Variants in PPM1B observed in about 807,000 individuals in gnomAD.
PPM1B encodes the protein protein phosphatase, Mg2+/Mn2+ dependent 1B, also known as protein phosphatase 1B.
In PPM1B, 22 loss-of-function variants were observed where a neutral mutation model predicts 43.0. The observed-to-expected ratio is 0.51, with a 90% CI of 0.37 to 0.73. The LOEUF (loss-of-function observed/expected upper bound fraction) is 0.73, where lower values mean the gene tolerates loss of function less well. Among genes scored for constraint, PPM1B ranks in the 30% least tolerant of loss-of-function variants. PPM1B has a pLI of 0.00. For missense variants in PPM1B, 632 were observed against 584.2 expected (o/e 1.08, Z -0.84); for synonymous variants, 217 against 197.9 (o/e 1.10, Z -0.81).
At chr2:44,172,834 G>A (rs1014424630) in intron 1 of PPM1B, among the ~76,000 whole-genome samples, 2 of 152,186 alleles carry the variant, frequency 1.3e-5, no homozygotes, top group African/African-American at 4.8e-5. Context: ...TTGAGCCAGG[G>A]AGGTCAAAGC....
chr2:44,219,024 AT>A (rs767028835), intron 5 of PPM1B: 38 of 343,110 alleles, frequency 1.1e-4, no homozygotes, highest in Non-Finnish European at 2.0e-4. Context: ...TTATGGGTAC[AT>A]GAGTGTTGAG....
intron 1 of PPM1B, among the ~76,000 whole-genome samples, chr2:44,196,426 T>G (rs1188838806): frequency 6.6e-6 from 1 of 152,216 alleles, no homozygotes; most frequent in East Asian, 1.9e-4. Flanking sequence ...TCTCATTAGA[T>G]TATGCCAAGA....
At chr2:44,209,151 G>C (rs1232811983) in intron 2 of PPM1B, 59 bp from the exon 3 acceptor site, 1 of 1,373,520 alleles carries the variant, frequency 7.3e-7, no homozygotes, top group Non-Finnish European at 9.9e-7. Context: ...GTATTTTGAA[G>C]TAAATAATAG....
downstream of PPM1B, chr2:44,233,131 G>A (rs80101364): frequency 0.17 from 169,800 of 974,568 alleles, 15,575 homozygotes; most frequent in African/African-American, 0.31. Context: ...AATGTAAATT[G>A]TGATTTTTGT....
intron 1 of PPM1B, among the ~76,000 whole-genome samples, chr2:44,195,884 T>C (rs1322803243): frequency 6.6e-6 from 1 of 152,160 alleles, no homozygotes; most frequent in Admixed American, 6.5e-5. Context: ...CCTGACCGTG[T>C]TGAAATCCTC....
chr2:44,181,103 C>G (rs62136996), intron 1 of PPM1B, among the ~76,000 whole-genome samples: 84,640 of 151,882 alleles, frequency 0.56, 24,613 homozygotes, highest in Admixed American at 0.66. Flanking sequence ...TGTCACCATA[C>G]CTGGCTAATT....
Position 44,201,747 on chromosome 2 carries a change from C to T in PPM1B, c.548C>T (p.Ala183Val). 1.2e-6 allele frequency: 2 copies of T among 1,614,200 alleles called. No homozygotes were observed. The highest frequency in any genetic ancestry group is 1.3e-5 in the African/African-American group (1 of 75,050). ...NPREKERIQNAGGSVMIQRVN... is the reference protein window; with the variant it reads ...NPREKERIQNVGGSVMIQRVN... ...AGGGAAAAGGAGCGAATCCAAAATGCAGGAGGCAGCGTGATGATACAACGT... is the reference window on the plus strand; with the variant it reads ...AGGGAAAAGGAGCGAATCCAAAATGTAGGAGGCAGCGTGATGATACAACGT... Residue 183 changes from alanine to valine, a missense_variant, in exon 2 of 6, where the codon GCA becomes GTA. Physicochemically the swap from Ala to Val is moderately conservative, Grantham distance 64 (BLOSUM62 0). Around this residue, in one of 3 missense-constraint regions of PPM1B, gnomAD observed 40 missense variants for 80.8 expected, o/e 0.50. Transcript: ENST00000282412. This position sits in a 1 kb window ranked among gnomAD's most constrained non-coding sequence, Gnocchi z 5.4.
At chr2:44,182,753 T>C (rs941643249) in intron 1 of PPM1B, among the ~76,000 whole-genome samples, 1 of 152,192 alleles carries the variant, frequency 6.6e-6, no homozygotes, top group African/African-American at 2.4e-5. Context: ...TTTCATACTT[T>C]TTTTCTTTCT....
chr2:44,206,141 T>C (rs749393258), intron 2 of PPM1B, among the ~76,000 whole-genome samples: 1 of 152,368 alleles, frequency 6.6e-6, no homozygotes, highest in South Asian at 2.1e-4. Flanking sequence ...TGTTAACTGC[T>C]GTGCTGTTGT....
At chr2:44,208,699 G>A (rs996517877) in intron 2 of PPM1B, among the ~76,000 whole-genome samples, 1 of 152,196 alleles carries the variant, frequency 6.6e-6, no homozygotes, top group South Asian at 2.1e-4. Context: ...GGCAACAAGA[G>A]CGAAACTTTG....
intron 5 of PPM1B, among the ~76,000 whole-genome samples, chr2:44,226,705 T>A (rs1441472775): frequency 6.7e-6 from 1 of 148,408 alleles, no homozygotes; most frequent in Non-Finnish European, 1.5e-5. Flanking sequence ...TGTCCTGTAA[T>A]TTTTTTTTAA....
intron 5 of PPM1B, among the ~76,000 whole-genome samples, chr2:44,221,073 A>G (rs376645330): frequency 2.0e-5 from 3 of 152,216 alleles, no homozygotes; most frequent in Admixed American, 6.5e-5. Context: ...GATAGATTCA[A>G]AAAAATATCT....
chr2:44,170,191 A>G (rs760101822), intron 1 of PPM1B, among the ~76,000 whole-genome samples: 2 of 152,210 alleles, frequency 1.3e-5, no homozygotes, highest in Non-Finnish European at 2.9e-5. Flanking sequence ...AGTGCTTCTT[A>G]GGCGTTTGAT....
intron 3 of PPM1B, among the ~76,000 whole-genome samples, chr2:44,214,717 G>A (rs1250058826): frequency 6.6e-6 from 1 of 152,096 alleles, no homozygotes. Context: ...TATCAAGTGT[G>A]TGGGGGTTTT....
chr2:44,181,947 T>A (rs928835235), intron 1 of PPM1B, among the ~76,000 whole-genome samples: 2 of 151,996 alleles, frequency 1.3e-5, no homozygotes, highest in Non-Finnish European at 2.9e-5. Flanking sequence ...GAATAAAGAA[T>A]AAAGAAAAAA....
chr2:44,233,534 C>T, downstream of PPM1B: 1 of 984,662 alleles, frequency 1.0e-6, no homozygotes, highest in Non-Finnish European at 1.2e-6. Flanking sequence ...ATGAATGTAT[C>T]CATTTGTACA....
At chr2:44,242,727 T>G (rs1361022653) in intron 5 of PPM1B, among the ~76,000 whole-genome samples, 1 of 152,174 alleles carries the variant, frequency 6.6e-6, no homozygotes, top group African/African-American at 2.4e-5. Flanking sequence ...CATATTTGCT[T>G]ATTCTTTTAT....
intron 1 of PPM1B, among the ~76,000 whole-genome samples, chr2:44,175,509 C>T (rs1667539196): frequency 1.3e-5 from 2 of 152,176 alleles, no homozygotes; most frequent in South Asian, 4.1e-4. Context: ...ACAAAACAGA[C>T]AAAATCCCAA....
At chr2:44,209,363 A>C (rs559482422) in intron 3 of PPM1B, 36 bp downstream of exon 3, 5 of 1,609,628 alleles carry the variant, frequency 3.1e-6, no homozygotes, top group Non-Finnish European at 4.2e-6. Context: ...TAGACAGGCC[A>C]GGCACGGTAG....
Sources: gnomAD v4.1 joint callset for allele counts (sites outside exome capture counted in the v4.1 genomes callset) on GRCh38, gnomAD v4.1.1 for gene constraint, gnomAD v4.1.1 regional missense constraint, Gnocchi (gnomAD v3.1) non-coding constraint, MANE v1.5 for transcripts, NCBI Gene and HGNC (gene_info 2026-07-23, HGNC 2026-07-21) for gene names.